KIF26B: variants seen among roughly 807,000 people sequenced by gnomAD.
The protein encoded by KIF26B is kinesin-like protein KIF26B.
In KIF26B, 63 loss-of-function variants were observed where a neutral mutation model predicts 151.2. The ratio of observed to expected loss-of-function variants is 0.42; its 90% confidence interval spans 0.34 to 0.51. The LOEUF (loss-of-function observed/expected upper bound fraction) is 0.51. Ranked by LOEUF, KIF26B falls within the 20% of genes least tolerant of loss-of-function variation. The pLI is 0.07. For missense variants in KIF26B, 2,813 were observed against 2,913.6 expected (o/e 0.97, Z 0.79); for synonymous variants, 1,357 against 1,262.1 (o/e 1.08, Z -1.59).
At position 245,429,148 on chromosome 1, in the gene KIF26B, T is replaced by C. The variant is rs1229478612; in HGVS notation, c.1166+9403T>C. 2.6e-5 allele frequency among the ~76,000 whole-genome samples: 4 copies of C among 152,220 alleles called. No individual in the cohort carries two copies. In the East Asian group the frequency reaches 7.7e-4, roughly 29 times the overall value. ...CTTCTGTTCAATGGAGATCATCATA[T>C]CTGCTTTATAGGATTATGGAGAGGA... On this transcript the variant is annotated intron_variant, in intron 4 of 14. Transcript: ENST00000407071.
intron 4 of KIF26B, among the ~76,000 whole-genome samples, chr1:245,473,936 A>G (rs1356346159): frequency 6.6e-6 from 1 of 151,944 alleles, no homozygotes; most frequent in East Asian, 1.9e-4. Flanking sequence ...TGATAATTTA[A>G]TACGTTCATA....
At chr1:245,201,264 T>C (rs1669296264) in intron 2 of KIF26B, among the ~76,000 whole-genome samples, 1 of 152,222 alleles carries the variant, frequency 6.6e-6, no homozygotes, top group South Asian at 2.1e-4. Flanking sequence ...TCAGTTTCAT[T>C]TTGAAATAAC....
chr1:245,687,976 A>T lies in KIF26B; in HGVS notation c.4993A>T (p.Arg1665Ter). The change falls in exon 12 of 15, where the codon AGA (arginine) becomes TGA (stop). Residue 1665 changes from arginine to a stop codon, truncating the protein, a stop_gained. Transcript: ENST00000407071. LOFTEE classifies it high-confidence loss of function. This position sits in a 1 kb window ranked among gnomAD's most constrained non-coding sequence, Gnocchi z 4.9. ...FSAKLEQLAS[R>*]SNSLGRATVS... The stretch of plus-strand genomic sequence containing the variant: ...TGCCAAGCTGGAGCAGCTGGCCAGC[A>T]GAAGCAACTCGCTGGGCAGGGCGAC... 6.3e-7 allele frequency: 1 copy of T among 1,582,298 alleles called. No individual in the cohort carries two copies. Among genetic ancestry groups the T allele is most frequent in the Non-Finnish European group, 8.6e-7 (1 of 1,166,030 alleles).
chr1:245,553,702 A>G (rs532669753), intron 5 of KIF26B, among the ~76,000 whole-genome samples: 1 of 152,162 alleles, frequency 6.6e-6, no homozygotes, highest in South Asian at 2.1e-4. Flanking sequence ...CTTTAGCCCT[A>G]CTCCGGAATA....
intron 2 of KIF26B, among the ~76,000 whole-genome samples, chr1:245,272,120 A>G (rs1267388377): frequency 5.3e-5 from 8 of 152,166 alleles, no homozygotes; most frequent in African/African-American, 1.9e-4. Flanking sequence ...CTTCTAGGTT[A>G]TCTAATTTGT....
At chr1:245,467,520 C>T (rs907500479) in intron 4 of KIF26B, among the ~76,000 whole-genome samples, 2 of 152,204 alleles carry the variant, frequency 1.3e-5, no homozygotes, top group African/African-American at 4.8e-5. Context: ...AGCTCTTCCC[C>T]TCTCTGCTGG....
At chr1:245,552,347 A>G (rs531898895) in intron 5 of KIF26B, among the ~76,000 whole-genome samples, 2 of 152,084 alleles carry the variant, frequency 1.3e-5, no homozygotes, top group African/African-American at 4.8e-5. Context: ...CAGGCCTTCA[A>G]CTGGTTGGAT....
chr1:245,352,418 C>A lies in KIF26B; in HGVS notation c.466-14416C>A, dbSNP rs1351752042. On this transcript the variant is annotated intron_variant, in intron 2 of 14. Transcript: ENST00000407071. This position sits in a 1 kb window ranked among gnomAD's most constrained non-coding sequence, Gnocchi z 5.0. ...AGCTGGGATTACAGGCACCCACCAC[C>A]ACACCTGGCTAATTTTTGTATTTTC... is the stretch of plus-strand genomic sequence containing the variant. Among the ~76,000 whole-genome samples, 2 of 152,124 alleles carry A rather than the reference C, an allele frequency of 1.3e-5. No individual in the cohort carries two copies. The highest frequency in any genetic ancestry group is 2.9e-5 in the Non-Finnish European group (2 of 68,018).
intron 5 of KIF26B, among the ~76,000 whole-genome samples, chr1:245,588,570 T>A (rs2043252250): frequency 6.6e-6 from 1 of 152,188 alleles, no homozygotes; most frequent in Non-Finnish European, 1.5e-5. Flanking sequence ...CCTCCAGTCC[T>A]TCCAACAAGA....
chr1:245,423,049 G>A (rs1191302564), intron 4 of KIF26B, among the ~76,000 whole-genome samples: 1 of 147,056 alleles, frequency 6.8e-6, no homozygotes, highest in East Asian at 2.0e-4. Context: ...GGTGAGCCGA[G>A]ATGGCGCCAC....
chr1:245,338,988 T>G (rs1672287232), intron 2 of KIF26B, among the ~76,000 whole-genome samples: 1 of 151,940 alleles, frequency 6.6e-6, no homozygotes, highest in Non-Finnish European at 1.5e-5. Flanking sequence ...TTTAGGGTTT[T>G]TTTTTTTTTT....
intron 3 of KIF26B, among the ~76,000 whole-genome samples, chr1:245,374,936 G>T (rs867653036): frequency 2.0e-5 from 3 of 152,212 alleles, no homozygotes; most frequent in Middle Eastern, 3.4e-3. Flanking sequence ...CAATCTGGGC[G>T]TTTGCTTGGT....
chr1:245,192,877 A>G (rs1305700759), intron 2 of KIF26B, among the ~76,000 whole-genome samples: 3 of 140,094 alleles, frequency 2.1e-5, no homozygotes, highest in African/African-American at 5.3e-5. Context: ...AATAGTGAAC[A>G]TTACACCCAA....
At chr1:245,590,321 G>T (rs2043274699) in intron 5 of KIF26B, among the ~76,000 whole-genome samples, 1 of 152,174 alleles carries the variant, frequency 6.6e-6, no homozygotes, top group African/African-American at 2.4e-5. Context: ...CCGCGGGAGG[G>T]GACGGCCAAC....
At chr1:245,522,023 C>A (rs895772506) in intron 4 of KIF26B, among the ~76,000 whole-genome samples, 8 of 151,740 alleles carry the variant, frequency 5.3e-5, no homozygotes, top group Non-Finnish European at 1.2e-4. Context: ...GCACCCGCCA[C>A]CATGCCCGGC....
chr1:245,332,981 C>G (rs568138453), intron 2 of KIF26B, among the ~76,000 whole-genome samples: 11 of 152,268 alleles, frequency 7.2e-5, no homozygotes, highest in Admixed American at 7.2e-4. Context: ...GGGGTGCCAA[C>G]ATGAAGCCAT....
chr1:245,540,391 G>C lies in KIF26B; in HGVS notation c.1167-376G>C, dbSNP rs1661587147. ...TAGAGTTTTTAAATTAGCTCATGAG[G>C]TCTCTCGCACCTGAGTTTATGCCAG... On this transcript the variant is annotated intron_variant, in intron 4 of 14. Transcript: ENST00000407071. The surrounding 1 kb of genome is among the most constrained non-coding windows in gnomAD (Gnocchi z 4.6). Among the ~76,000 whole-genome samples, 1 of 152,174 alleles carries C rather than the reference G, an allele frequency of 6.6e-6. No homozygotes were observed. Among genetic ancestry groups the C allele is most frequent in the Non-Finnish European group, 1.5e-5 (1 of 68,042 alleles).
rs1266998641 is a variant in KIF26B, at chr1:245,704,365, G to A, written c.*1759G>A. On this transcript the variant is annotated 3_prime_UTR_variant, in exon 15 of 15. Coordinates refer to ENST00000407071, the MANE Select transcript of KIF26B (RefSeq NM_018012.4). ...GACACTGCAGCCCACACAGCTGGCT[G>A]AACTCGGTAAATGGGAACCGAAGTC... is the stretch of plus-strand genomic sequence containing the variant. 6.6e-5 allele frequency: 10 copies of A among 152,282 alleles called. No individual in the cohort carries two copies. Among genetic ancestry groups the A allele is most frequent in the Admixed American group, 6.5e-4 (10 of 15,290 alleles). The allele number at this position is 152,282 out of a possible 1,614,324, so 9.4% of individuals were successfully genotyped here. A position where few individuals can be genotyped will look rare whatever the true frequency, so the allele number is the denominator to read the frequency against.
At chr1:245,644,944 A>G (rs1279180408) in intron 9 of KIF26B, among the ~76,000 whole-genome samples, 1 of 152,182 alleles carries the variant, frequency 6.6e-6, no homozygotes, top group Non-Finnish European at 1.5e-5. Context: ...GTGAGGACTC[A>G]GGAAGCTTAC....
Sources: gnomAD v4.1 joint callset for allele counts (sites outside exome capture counted in the v4.1 genomes callset) on GRCh38, gnomAD v4.1.1 for gene constraint, Gnocchi (gnomAD v3.1) non-coding constraint, MANE v1.5 for transcripts, NCBI Gene and HGNC (gene_info 2026-07-23, HGNC 2026-07-21) for gene names.